CNOT1: variants seen among roughly 807,000 people sequenced by gnomAD.
CNOT1 encodes CCR4-associated factor 1.
A neutral mutation model predicts 273.8 loss-of-function variants in CNOT1; 15 were observed. That is an observed-to-expected ratio of 0.05 (90% confidence interval 0.04 to 0.08). The LOEUF is 0.08. CNOT1 is among the 10% of genes least tolerant of loss of function. The pLI, the probability that CNOT1 is intolerant of heterozygous loss-of-function variation, is 1.00. For missense variants in CNOT1, 1,644 were observed against 2,912.2 expected (o/e 0.56, Z 10.02); for synonymous variants, 1,022 against 1,005.5 (o/e 1.02, Z -0.31).
chr16:58,594,802 T>TAA (rs879789353), intron 2 of CNOT1, among the ~76,000 whole-genome samples: 1 of 124,940 alleles, frequency 8.0e-6, no homozygotes, highest in Non-Finnish European at 1.7e-5. Flanking sequence ...ACTGTCTCAT[T>TAA]AAAAAAAAAA....
chr16:58,610,080 C>G (rs1228940157), intron 1 of CNOT1, among the ~76,000 whole-genome samples: 1 of 152,102 alleles, frequency 6.6e-6, no homozygotes, highest in Non-Finnish European at 1.5e-5. Flanking sequence ...GCAACTAAGG[C>G]AGCTGTGTGT....
intron 16 of CNOT1, among the ~76,000 whole-genome samples, chr16:58,565,817 C>T (rs573680567): frequency 2.6e-5 from 4 of 151,898 alleles, no homozygotes; most frequent in South Asian, 4.2e-4. Context: ...TGGTAGTGTG[C>T]GCCTGTCGTC....
intron 2 of CNOT1, among the ~76,000 whole-genome samples, chr16:58,596,088 T>C (rs1247237665): frequency 6.6e-6 from 1 of 152,208 alleles, no homozygotes; most frequent in Non-Finnish European, 1.5e-5. Flanking sequence ...GTTTCCCTCC[T>C]TTGTTCAATA....
In CNOT1 at chr16:58,547,887, G is replaced by A. The variant is rs913777092; in HGVS notation, c.3523-205C>T. Among the ~76,000 whole-genome samples, 19 of 152,134 alleles carry A rather than the reference G, an allele frequency of 1.2e-4. No individual in the cohort carries two copies. Among genetic ancestry groups the A allele is most frequent in the African/African-American group, 4.6e-4 (19 of 41,414 alleles). On this transcript the variant is annotated intron_variant, in intron 25 of 48. Coordinates refer to ENST00000317147, the MANE Select transcript of CNOT1 (RefSeq NM_016284.5). This position sits in a 1 kb window ranked among gnomAD's most constrained non-coding sequence, Gnocchi z 4.0. ...ACAGTGCTATTTTTACCTTGAAGAAGTCTTTACATTTTATTTTTTCAAAAT... is the reference window on the plus strand; with the variant it reads ...ACAGTGCTATTTTTACCTTGAAGAAATCTTTACATTTTATTTTTTCAAAAT...
rs1159593472 is a variant in CNOT1 at position 58,549,812 on chromosome 16, T to G, written c.3429A>C (p.Pro1143=). The change falls in exon 25 of 49, where the codon CCA becomes CCC. Residue 1143 remains proline (P), a synonymous_variant. Coordinates refer to ENST00000317147, the MANE Select transcript of CNOT1 (RefSeq NM_016284.5). ...AGTTTGAATACAGGCTATGAAAGTT[T>G]GGCTCAATACTGACTCTCTTCATAA... The part of the protein sequence containing the change: ...YLVMKRVSIE[P]NFHSLYSNFL... The G allele has an allele frequency of 6.2e-7, 1 of 1,614,046 alleles. No homozygotes were observed.
Position 58,586,610 on chromosome 16 carries a change from C to A in CNOT1, c.572G>T (p.Gly191Val). 1 of 1,612,524 alleles carries A rather than the reference C, an allele frequency of 6.2e-7. No individual in the cohort carries two copies. The highest frequency in any genetic ancestry group is 8.5e-7 in the Non-Finnish European group (1 of 1,179,670). Residue 191 changes from glycine to valine, a missense_variant, in exon 7 of 49, where the codon GGG becomes GTG. Physicochemically the swap from Gly to Val is moderately radical, Grantham distance 109. This residue lies in a region of CNOT1 where 706 missense variants were observed against 1,021.2 expected (regional missense o/e 0.69). Coordinates refer to ENST00000317147, the MANE Select transcript of CNOT1 (RefSeq NM_016284.5). Reference sequence around the variant, plus strand: ...TCCAACTCCAAAGGCTCCCTTCTGCCCAAAGAGGAGATGGGAGAGGAGGAG... The same window carrying A: ...TCCAACTCCAAAGGCTCCCTTCTGCACAAAGAGGAGATGGGAGAGGAGGAG... Reference protein sequence around the residue: ...LHLLLSHLLFGQKGAFGVGQE... With the variant: ...LHLLLSHLLFVQKGAFGVGQE...
At chr16:58,545,810 T>C (rs1273227041) in intron 29 of CNOT1, among the ~76,000 whole-genome samples, 1 of 152,238 alleles carries the variant, frequency 6.6e-6, no homozygotes, top group Non-Finnish European at 1.5e-5. Context: ...CAACCTAGCC[T>C]GTTCCTAGGT....
intron 19 of CNOT1, 50 bp from the exon 20 acceptor site, chr16:58,555,958 T>G: frequency 6.3e-7 from 1 of 1,598,650 alleles, no homozygotes; most frequent in Non-Finnish European, 8.5e-7. Flanking sequence ...CTTCCTCCAC[T>G]TCCCCATAAA....
rs1597529378 is a variant in CNOT1 at position 58,589,054 on chromosome 16, TG to T, written c.103-149del. 3.6e-6 allele frequency: 4 copies of T among 1,116,452 alleles called. No homozygotes were observed. The East Asian group carries it at 7.7e-5, about 22-fold the overall frequency. The allele number at this position is 1,116,452 out of a possible 1,614,324, so 69.2% of individuals were successfully genotyped here. On this transcript the variant is annotated intron_variant, in intron 2 of 48. Transcript: ENST00000317147. ...GAATTAAAGTTAAAGGAATTATTGA[TG>T]GAAGTGCCCATAATTTATAACTCAA... is the stretch of plus-strand genomic sequence containing the variant.
chr16:58,534,114 A>G, intron 40 of CNOT1, 33 bp downstream of exon 40: 1 of 1,595,676 alleles, frequency 6.3e-7, no homozygotes, highest in Non-Finnish European at 8.6e-7. Context: ...CCACTGATGT[A>G]GACCAAGACT....
At chr16:58,624,211 G>A (rs938722429) in intron 1 of CNOT1, among the ~76,000 whole-genome samples, 3 of 152,156 alleles carry the variant, frequency 2.0e-5, no homozygotes, top group Non-Finnish European at 4.4e-5. Context: ...CAGGTACACC[G>A]TGTCAGAATA....
chr16:58,524,867 C>T (rs990587272), intron 46 of CNOT1, among the ~76,000 whole-genome samples: 7 of 152,136 alleles, frequency 4.6e-5, no homozygotes, highest in African/African-American at 1.7e-4. Flanking sequence ...GGCAGCCTAA[C>T]AAAACAATGT....
chr16:58,560,163 T>A, intron 17 of CNOT1, 49 bp downstream of exon 17: 1 of 1,603,052 alleles, frequency 6.2e-7, no homozygotes, highest in Non-Finnish European at 8.5e-7. Context: ...GCTTATTCTA[T>A]TCCAAATCTA....
chr16:58,521,797 T>A (rs1385350752), intron 47 of CNOT1, among the ~76,000 whole-genome samples: 1 of 148,482 alleles, frequency 6.7e-6, no homozygotes, highest in Admixed American at 6.7e-5. Flanking sequence ...GCTACAAATA[T>A]AAAAATTAGT....
chr16:58,579,541 A>G (rs1378631722), intron 12 of CNOT1, among the ~76,000 whole-genome samples: 1 of 152,210 alleles, frequency 6.6e-6, no homozygotes, highest in Non-Finnish European at 1.5e-5. Flanking sequence ...ACTCATAAGG[A>G]AAAAAATAAG....
Position 58,520,985 on chromosome 16 carries a change from T to G in CNOT1, c.7104A>C (p.Gln2368His), listed in dbSNP as rs879905467. Residue 2368 changes from glutamine to histidine, a missense_variant, in exon 49 of 49, where the codon CAA becomes CAC. Physicochemically the swap from Gln to His is conservative, Grantham distance 24 (BLOSUM62 0). This residue lies in a region of CNOT1 where 140 missense variants were observed against 324.6 expected (regional missense o/e 0.43). Transcript: ENST00000317147. Reference sequence around the variant, plus strand: ...AACTGGCACCTGTCCCTTCCATTACTTGCTGGGCCTGCTTCTGTCCCATGC... The same window carrying G: ...AACTGGCACCTGTCCCTTCCATTACGTGCTGGGCCTGCTTCTGTCCCATGC... Reference protein sequence around the residue: ...QCCMGQKQAQQVMEGTGAS With the variant: ...QCCMGQKQAQHVMEGTGAS The G allele has an allele frequency of 1.4e-5, 22 of 1,613,914 alleles. No homozygotes were observed. Among genetic ancestry groups the G allele is most frequent in the Non-Finnish European group, 1.9e-5 (22 of 1,180,044 alleles).
intron 6 of CNOT1, 65 bp from the exon 7 acceptor site, chr16:58,586,813 T>C (rs2041888816): frequency 2.6e-6 from 4 of 1,531,648 alleles, no homozygotes; most frequent in Admixed American, 1.8e-5. Flanking sequence ...AAAAGTCATA[T>C]ACCATCAAAA....
In CNOT1 at chr16:58,539,946, G is replaced by A. The variant is rs891007162; in HGVS notation, c.4814C>T (p.Thr1605Ile). The change falls in exon 35 of 49, where the codon ACA becomes ATA. Residue 1605 changes from threonine to isoleucine, a missense_variant. Thr to Ile is a moderately conservative substitution (Grantham distance 89). Coordinates refer to ENST00000317147, the MANE Select transcript of CNOT1 (RefSeq NM_016284.5). ...LAQPMKQAWATDDVAQIYDKC... is the reference protein window; with the variant it reads ...LAQPMKQAWAIDDVAQIYDKC... ...ATCATAAATCTGAGCTACATCATCT[G>A]TTGCCCAAGCTTGCTGTTTTACAGA... 6.2e-7 allele frequency: 1 copy of A among 1,603,656 alleles called. No homozygotes were observed. The highest frequency in any genetic ancestry group is 8.5e-7 in the Non-Finnish European group (1 of 1,174,494).
chr16:58,584,442 T>C (rs2041767798), intron 8 of CNOT1, among the ~76,000 whole-genome samples: 2 of 151,864 alleles, frequency 1.3e-5, no homozygotes, highest in African/African-American at 4.8e-5. Flanking sequence ...GTGATTCTCC[T>C]GCCTCAGCCT....
Sources: allele counts gnomAD v4.1 joint callset (sites outside exome capture counted in the v4.1 genomes callset), GRCh38; gene constraint gnomAD v4.1.1; regional missense constraint gnomAD v4.1.1; non-coding constraint Gnocchi (gnomAD v3.1); transcripts MANE v1.5; gene names NCBI Gene and HGNC (gene_info 2026-07-23, HGNC 2026-07-21).